Variants in PBRM1 observed in about 807,000 individuals in gnomAD.
PBRM1 encodes the protein protein polybromo-1.
A neutral mutation model predicts 194.5 loss-of-function variants in PBRM1; 27 were observed. The observed-to-expected ratio is 0.14, with a 90% CI of 0.10 to 0.19. PBRM1 has a LOEUF of 0.19. Ranked by LOEUF, PBRM1 falls within the 10% of genes least tolerant of loss-of-function variation. The pLI, the probability that PBRM1 is intolerant of heterozygous loss-of-function variation, is 1.00. For missense variants in PBRM1, 1,466 were observed against 2,077.2 expected, an observed-to-expected ratio of 0.71 and a Z score of 5.72; for synonymous variants, 655 against 693.2, an observed-to-expected ratio of 0.94 and a Z score of 0.87.
chr3:52,681,022 G>T (rs1238143565), upstream of PBRM1: 2 of 151,736 alleles, frequency 1.3e-5, no homozygotes, highest in African/African-American at 4.8e-5. Context: ...GGGTTCAGAG[G>T]CCCCAAGGTA....
chr3:52,675,720 C>T (rs887220207), intron 2 of PBRM1, among the ~76,000 whole-genome samples: 1 of 152,148 alleles, frequency 6.6e-6, no homozygotes, highest in Admixed American at 6.6e-5. Flanking sequence ...CCCTCACATA[C>T]ACGGTCAAGC....
Position 52,561,750 on chromosome 3 carries a change from G to C in PBRM1, c.4288+17C>G, listed in dbSNP as rs766995355. On this transcript the variant is annotated intron_variant, in intron 25 of 29. Coordinates refer to ENST00000296302, the Ensembl canonical transcript of PBRM1. The stretch of plus-strand genomic sequence containing the variant: ...CCCCCTTGCTTCGAAAGACAGTTGT[G>C]CCTAGGCTCTATTTACCTTCATATT... The C allele has an allele frequency of 3.7e-6, 6 of 1,608,096 alleles. No homozygotes were observed. The East Asian group carries it at 1.1e-4, about 30-fold the overall frequency.
intron 27 of PBRM1, 46 bp from the exon 30 acceptor site, chr3:52,550,863 A>G: frequency 7.9e-7 from 1 of 1,259,548 alleles, no homozygotes; most frequent in Middle Eastern, 2.3e-4. Context: ...CTGGGTTGAA[A>G]TGACTGAAAA....
intron 20 of PBRM1, among the ~76,000 whole-genome samples, chr3:52,581,326 A>G (rs911230141): frequency 6.6e-6 from 1 of 152,162 alleles, no homozygotes; most frequent in Non-Finnish European, 1.5e-5. Flanking sequence ...ACTGGCCAAC[A>G]TGGTAAAACC....
At chr3:52,600,914 G>A (rs1405846840) in intron 17 of PBRM1, among the ~76,000 whole-genome samples, 2 of 152,212 alleles carry the variant, frequency 1.3e-5, no homozygotes, top group Non-Finnish European at 1.5e-5. Context: ...TGGGATTACA[G>A]TCATGAGCCA....
chr3:52,666,031 T>A (rs1173954382), intron 3 of PBRM1, among the ~76,000 whole-genome samples: 1 of 152,148 alleles, frequency 6.6e-6, no homozygotes, highest in African/African-American at 2.4e-5. Flanking sequence ...GATGTTACAA[T>A]TTCCAAATTT....
intron 11 of PBRM1, among the ~76,000 whole-genome samples, chr3:52,632,165 A>C (rs2095639776): frequency 6.6e-6 from 1 of 152,226 alleles, no homozygotes; most frequent in African/African-American, 2.4e-5. Context: ...TCTATTTAAA[A>C]ATAAATTAAA....
intron 11 of PBRM1, among the ~76,000 whole-genome samples, chr3:52,630,752 T>C (rs1033234504): frequency 1.3e-5 from 2 of 152,200 alleles, no homozygotes; most frequent in Non-Finnish European, 2.9e-5. Context: ...TGCCACACAA[T>C]TGCCATTATA....
In PBRM1 at chr3:52,550,639, T is replaced by TGAAA. The variant is rs779919115; in HGVS notation, c.4681-6_4681-3dup. 6.5e-7 allele frequency: 1 copy of TGAAA among 1,526,718 alleles called. No homozygotes were observed. Among genetic ancestry groups the TGAAA allele is most frequent in the Admixed American group, 2.1e-5 (1 of 47,402 alleles). The allele number at this position is 1,526,718 out of a possible 1,614,324, so 94.6% of individuals were successfully genotyped here. ...CCCTGGAGGCCCCAAAACTCCCACCTGAAAGAGCACAGGACCACATGGTGA... is the reference window on the plus strand; with the variant it reads ...CCCTGGAGGCCCCAAAACTCCCACCTGAAAGAAAGAGCACAGGACCACATGGTGA... On this transcript the variant is annotated splice_region_variant and splice_polypyrimidine_tract_variant and intron_variant, in intron 28 of 29. Coordinates refer to ENST00000296302, the Ensembl canonical transcript of PBRM1.
At chr3:52,606,386 T>G (rs548456074) in intron 16 of PBRM1, among the ~76,000 whole-genome samples, 1 of 152,318 alleles carries the variant, frequency 6.6e-6, no homozygotes, top group South Asian at 2.1e-4. Flanking sequence ...GTTCATTTTA[T>G]AATAGTGTAC....
intron 29 of PBRM1, 42 bp downstream of exon 31, chr3:52,550,379 G>A: frequency 9.4e-7 from 1 of 1,067,164 alleles, no homozygotes. Flanking sequence ...CAGCTTTGAG[G>A]AAGCATGTAT....
Position 52,584,210 on chromosome 3 carries a change from T to C in PBRM1, c.3387+2215A>G, listed in dbSNP as rs2091957686. Among the ~76,000 whole-genome samples the C allele has an allele frequency of 3.3e-5, 5 of 152,116 alleles. No individual in the cohort carries two copies. In the South Asian group the frequency reaches 1.0e-3, roughly 31 times the overall value. ...TTTTTTTCCTAGAGGTTCTATATAT[T>C]CCTTGTTAAGGTTATTTCTTAATTT... On this transcript the variant is annotated intron_variant, in intron 20 of 29. Coordinates refer to ENST00000296302, the Ensembl canonical transcript of PBRM1.
intron 20 of PBRM1, among the ~76,000 whole-genome samples, chr3:52,582,411 CTTT>C (rs374555187): frequency 1.6e-5 from 2 of 128,788 alleles, no homozygotes; most frequent in African/African-American, 2.8e-5. Flanking sequence ...ATTGATAATT[CTTT>C]TTTTTTTTTT....
chr3:52,662,413 G>T, intron 3 of PBRM1, 137 bp from the exon 5 acceptor site: 1 of 655,474 alleles, frequency 1.5e-6, no homozygotes, highest in Admixed American at 3.1e-5. Context: ...AACATATATG[G>T]GTCCAAATCC....
chr3:52,635,828 T>C (rs531251176), intron 10 of PBRM1, among the ~76,000 whole-genome samples: 1 of 152,122 alleles, frequency 6.6e-6, no homozygotes, highest in Non-Finnish European at 1.5e-5. Context: ...TTTAAGATAG[T>C]ATAAATTTAG....
intron 17 of PBRM1, among the ~76,000 whole-genome samples, chr3:52,592,896 G>C (rs958608014): frequency 5.3e-5 from 8 of 152,212 alleles, no homozygotes; most frequent in East Asian, 1.9e-4. Flanking sequence ...GAGGGTGTAT[G>C]TGTTCAGGAA....
intron 6 of PBRM1, among the ~76,000 whole-genome samples, chr3:52,649,664 A>G (rs2096434503): frequency 6.6e-6 from 1 of 152,204 alleles, no homozygotes; most frequent in Non-Finnish European, 1.5e-5. Flanking sequence ...CAACTGGTAC[A>G]AGGAGTTGTG....
intron 20 of PBRM1, 115 bp downstream of exon 22, chr3:52,586,310 G>T: frequency 1.2e-6 from 1 of 830,144 alleles, no homozygotes; most frequent in Non-Finnish European, 1.9e-6. Context: ...CTTCCTGTTT[G>T]GCTAAGGTTT....
intron 2 of PBRM1, among the ~76,000 whole-genome samples, chr3:52,677,043 A>G (rs1424933027): frequency 6.6e-6 from 1 of 152,204 alleles, no homozygotes; most frequent in Non-Finnish European, 1.5e-5. Context: ...TTATAAGGGA[A>G]GCAGAGCATA....
Sources: gnomAD v4.1 joint callset for allele counts (sites outside exome capture counted in the v4.1 genomes callset) on GRCh38, gnomAD v4.1.1 for gene constraint, MANE v1.5 for transcripts, NCBI Gene and HGNC (gene_info 2026-07-23, HGNC 2026-07-21) for gene names.